EVI5: variants seen among roughly 807,000 people sequenced by gnomAD.
The protein encoded by EVI5 is ecotropic viral integration site 5, also known as ecotropic viral integration site 5 protein homolog.
In EVI5, 73 loss-of-function variants were observed where a neutral mutation model predicts 112.0. The ratio of observed to expected loss-of-function variants is 0.65; its 90% CI spans 0.54 to 0.79. The LOEUF (loss-of-function observed/expected upper bound fraction) is 0.79, where lower values mean the gene tolerates loss of function less well. Ranked by LOEUF, EVI5 falls within the 30% of genes least tolerant of loss-of-function variation. EVI5 has a pLI of 0.00. For missense variants in EVI5, 900 were observed against 968.8 expected, an observed-to-expected ratio of 0.93 and a Z score of 0.94; for synonymous variants, 305 against 319.9, an observed-to-expected ratio of 0.95 and a Z score of 0.50.
chr1:92,728,731 A>G (rs972894595), intron 2 of EVI5, among the ~76,000 whole-genome samples: 3 of 152,228 alleles, frequency 2.0e-5, no homozygotes, highest in Non-Finnish European at 4.4e-5. Context: ...GTCCAAAAAT[A>G]TTAAACAGAA....
chr1:92,632,646 T>C (rs1657443645), intron 14 of EVI5, among the ~76,000 whole-genome samples: 1 of 152,276 alleles, frequency 6.6e-6, no homozygotes, highest in African/African-American at 2.4e-5. Context: ...ATTGATTTTT[T>C]GAAGGGCTTT....
At chr1:92,537,928 C>T (rs1182090714) in intron 19 of EVI5, among the ~76,000 whole-genome samples, 3 of 151,706 alleles carry the variant, frequency 2.0e-5, no homozygotes, top group African/African-American at 7.3e-5. Flanking sequence ...TCATGTAAAA[C>T]TGTATATAAT....
At chr1:92,713,324 C>CT (rs1163186575) in intron 2 of EVI5, among the ~76,000 whole-genome samples, 1 of 150,448 alleles carries the variant, frequency 6.6e-6, no homozygotes, top group African/African-American at 2.5e-5. Context: ...CTAGTATTGC[C>CT]TTTTCTTTTT....
intron 2 of EVI5, among the ~76,000 whole-genome samples, chr1:92,712,972 T>C (rs1457555156): frequency 6.6e-6 from 1 of 151,238 alleles, no homozygotes; most frequent in Non-Finnish European, 1.5e-5. Flanking sequence ...TTAAGATATA[T>C]CTTAAATAGA....
At chr1:92,758,419 A>G (rs909750908) in intron 1 of EVI5, among the ~76,000 whole-genome samples, 2 of 152,094 alleles carry the variant, frequency 1.3e-5, no homozygotes, top group Admixed American at 6.6e-5. Flanking sequence ...AAATACAAAA[A>G]TTAGCCGGGC....
chr1:92,790,545 G>A (rs1313228615), intron 1 of EVI5, among the ~76,000 whole-genome samples: 1 of 149,822 alleles, frequency 6.7e-6, no homozygotes, highest in Non-Finnish European at 1.5e-5. Context: ...TTAAATGAAG[G>A]CTCACAATGA....
chr1:92,746,487 A>T (rs1280167355), intron 1 of EVI5, among the ~76,000 whole-genome samples: 1 of 152,188 alleles, frequency 6.6e-6, no homozygotes, highest in Non-Finnish European at 1.5e-5. Context: ...GCACTCTGGG[A>T]GGCCGAGGTG....
In EVI5 at chr1:92,512,208, T is replaced by C. The variant is rs568419280; in HGVS notation, c.*1448A>G. 1.2e-4 allele frequency: 19 copies of C among 152,760 alleles called. No homozygotes were observed. The highest frequency in any genetic ancestry group is 4.1e-4 in the African/African-American group (17 of 41,582). The allele number at this position is 152,760 out of a possible 1,614,324, so 9.5% of individuals were successfully genotyped here. Reference sequence around the variant, plus strand: ...GAAAGGATTCTTATGGCTTTATCTATAGAACAAAAACTAGAGATTCTGAAG... The same window carrying C: ...GAAAGGATTCTTATGGCTTTATCTACAGAACAAAAACTAGAGATTCTGAAG... On this transcript the variant is annotated 3_prime_UTR_variant, in exon 20 of 20. Coordinates refer to ENST00000684568, the MANE Select transcript of EVI5 (RefSeq NM_001350197.2).
chr1:92,514,490 C>T (rs1304215686), intron 19 of EVI5, among the ~76,000 whole-genome samples: 1 of 152,030 alleles, frequency 6.6e-6, no homozygotes, highest in Non-Finnish European at 1.5e-5. Context: ...AACAACCGTC[C>T]TATGTGATAG....
intron 10 of EVI5, among the ~76,000 whole-genome samples, chr1:92,669,906 C>T (rs2102252079): frequency 6.6e-6 from 1 of 151,896 alleles, no homozygotes; most frequent in South Asian, 2.1e-4. Flanking sequence ...GATATAGCTA[C>T]ATACAAATGT....
intron 1 of EVI5, among the ~76,000 whole-genome samples, chr1:92,782,225 T>G (rs1684957392): frequency 6.6e-6 from 1 of 151,778 alleles, no homozygotes; most frequent in South Asian, 2.1e-4. Context: ...GCCACTGCAC[T>G]CTAGCCTGGC....
At chr1:92,742,774 A>G (rs1047209910) in intron 1 of EVI5, among the ~76,000 whole-genome samples, 1 of 152,242 alleles carries the variant, frequency 6.6e-6, no homozygotes, top group Non-Finnish European at 1.5e-5. Context: ...AAAAAGGAAA[A>G]TAACAAGTGT....
rs183616118 is a variant in EVI5 at position 92,621,975 on chromosome 1, G to A, written c.1827+2201C>T. On this transcript the variant is annotated intron_variant, in intron 16 of 19. Coordinates refer to ENST00000684568, the MANE Select transcript of EVI5 (RefSeq NM_001350197.2). ...GTCTCTACCAAAAATACAAAAATTA[G>A]CCAGGCGTGGTAGTGGGCGCCTGTA... Among the ~76,000 whole-genome samples, 425 of 152,086 alleles carry A rather than the reference G, an allele frequency of 2.8e-3. 6 individuals carry two copies. The highest frequency in any genetic ancestry group is 1.5e-3 in the Non-Finnish European group (101 of 67,974).
intron 19 of EVI5, among the ~76,000 whole-genome samples, chr1:92,541,281 C>T (rs1214461441): frequency 6.6e-6 from 1 of 152,046 alleles, no homozygotes; most frequent in Non-Finnish European, 1.5e-5. Context: ...GTAAAGAACT[C>T]TTGCAACTCA....
chr1:92,579,896 ACTAT>A (rs548614914), intron 18 of EVI5, among the ~76,000 whole-genome samples: 10 of 152,312 alleles, frequency 6.6e-5, no homozygotes, highest in South Asian at 6.2e-4. Flanking sequence ...TATAGTTTGT[ACTAT>A]CTATTTTACA....
intron 2 of EVI5, among the ~76,000 whole-genome samples, chr1:92,716,801 T>C (rs1341423424): frequency 1.4e-5 from 2 of 147,930 alleles, no homozygotes; most frequent in Non-Finnish European, 3.0e-5. Context: ...CTGAAAACCA[T>C]GGCATGAGAA....
chr1:92,629,974 C>T (rs4412600), intron 14 of EVI5, among the ~76,000 whole-genome samples: 93,101 of 151,798 alleles, frequency 0.61, 29,297 homozygotes, highest in East Asian at 0.92. Flanking sequence ...GCTTCATCCA[C>T]GTCCCTACAA....
At chr1:92,648,827 C>A (rs1214066067) in intron 13 of EVI5, among the ~76,000 whole-genome samples, 2 of 152,222 alleles carry the variant, frequency 1.3e-5, no homozygotes, top group Non-Finnish European at 2.9e-5. Flanking sequence ...GCTGCTGCTA[C>A]AAACGTGTAT....
Position 92,662,988 on chromosome 1 carries a change from A to G in EVI5, c.1246-123T>C, listed in dbSNP as rs1664285018. On this transcript the variant is annotated intron_variant, in intron 12 of 19. Transcript: ENST00000684568. ...AAAAAAAAAAGTCACCTCAGCGAATAGAACAGCCTACGTAATCATTAGCTA... is the reference window on the plus strand; with the variant it reads ...AAAAAAAAAAGTCACCTCAGCGAATGGAACAGCCTACGTAATCATTAGCTA... 3 of 442,206 alleles carry G rather than the reference A, an allele frequency of 6.8e-6. No homozygotes were observed. In the South Asian group the frequency reaches 1.1e-4, roughly 16 times the overall value. 27.4% of individuals were successfully genotyped at this position (442,206 alleles called of 1,614,324 possible).
Sources: gnomAD v4.1 joint callset for allele counts (sites outside exome capture counted in the v4.1 genomes callset) on GRCh38, gnomAD v4.1.1 for gene constraint, MANE v1.5 for transcripts, NCBI Gene and HGNC (gene_info 2026-07-23, HGNC 2026-07-21) for gene names.